ASIC2: variants seen among roughly 807,000 people sequenced by gnomAD.
ASIC2 encodes the protein acid-sensing ion channel 2.
Under a neutral mutation model 57.3 loss-of-function variants are expected in ASIC2, and 25 were observed. That is an observed-to-expected ratio of 0.44 (90% confidence interval 0.32 to 0.61). The LOEUF is 0.61. Ranked by LOEUF, ASIC2 falls within the 20% of genes least tolerant of loss-of-function variation. The pLI, the probability that ASIC2 is intolerant of heterozygous loss-of-function variation, is 0.06. For missense variants in ASIC2, 641 were observed against 738.1 expected (o/e 0.87, Z 1.52); for synonymous variants, 319 against 307.5 (o/e 1.04, Z -0.39).
At chr17:33,941,437 C>T (rs1219590921) in intron 1 of ASIC2, among the ~76,000 whole-genome samples, 1 of 152,180 alleles carries the variant, frequency 6.6e-6, no homozygotes, top group African/African-American at 2.4e-5. Context: ...TGAAAAGGAA[C>T]CCCACCTTAT....
At chr17:33,978,896 A>T (rs1905495985) in intron 1 of ASIC2, among the ~76,000 whole-genome samples, 2 of 152,114 alleles carry the variant, frequency 1.3e-5, no homozygotes, top group South Asian at 4.1e-4. Flanking sequence ...AACAGAATAA[A>T]CACACTTGGG....
At chr17:33,328,447 T>C (rs1053999505) in intron 1 of ASIC2, among the ~76,000 whole-genome samples, 1 of 152,118 alleles carries the variant, frequency 6.6e-6, no homozygotes, top group African/African-American at 2.4e-5. Flanking sequence ...CCTCCTTCTC[T>C]CTCTAAATTC....
chr17:33,938,506 G>A (rs1256113564), intron 1 of ASIC2, among the ~76,000 whole-genome samples: 1 of 152,178 alleles, frequency 6.6e-6, no homozygotes, highest in Non-Finnish European at 1.5e-5. Context: ...GATTTATAAA[G>A]CACTTGTCCT....
At chr17:33,678,433 A>C in intron 1 of ASIC2, among the ~76,000 whole-genome samples, 1 of 135,892 alleles carries the variant, frequency 7.4e-6, no homozygotes, top group Admixed American at 7.0e-5. Flanking sequence ...GCCTGGTTCA[A>C]TCCACACACA....
chr17:33,283,820 A>G (rs533949953), intron 1 of ASIC2, among the ~76,000 whole-genome samples: 3 of 152,290 alleles, frequency 2.0e-5, no homozygotes, highest in African/African-American at 7.2e-5. Context: ...ATCCAGGTAT[A>G]ATAAATTAAG....
chr17:33,923,139 C>T (rs1915744417), intron 1 of ASIC2, among the ~76,000 whole-genome samples: 2 of 152,166 alleles, frequency 1.3e-5, no homozygotes, highest in African/African-American at 4.8e-5. Flanking sequence ...CTTTGAGTGG[C>T]TTTCTGCCAA....
Position 33,904,333 on chromosome 17 carries a change from A to G in ASIC2, c.555+251645T>C, listed in dbSNP as rs1915300869. Among the ~76,000 whole-genome samples, 3 of 152,120 alleles carry G rather than the reference A, an allele frequency of 2.0e-5. 1 individual carries two copies. The South Asian group carries it at 6.2e-4, about 32-fold the overall frequency. On this transcript the variant is annotated intron_variant, in intron 1 of 9. Coordinates refer to the ASIC2 transcript ENST00000359872. ...CAGACCCATGGAATCAGGAGCTACA[A>G]TGTAACAAGATCCCTACATGGTTTG...
At chr17:33,996,135 C>T (rs1418024464) in intron 1 of ASIC2, among the ~76,000 whole-genome samples, 1 of 151,836 alleles carries the variant, frequency 6.6e-6, no homozygotes, top group Non-Finnish European at 1.5e-5. Flanking sequence ...ACCTTTAGGC[C>T]ATTTGTATGT....
At chr17:33,131,257 G>C (rs539407635) in intron 1 of ASIC2, among the ~76,000 whole-genome samples, 2 of 152,180 alleles carry the variant, frequency 1.3e-5, no homozygotes, top group East Asian at 3.9e-4. Context: ...GCTTAAGCAG[G>C]AGGAAAAAAA....
intron 1 of ASIC2, among the ~76,000 whole-genome samples, chr17:33,544,834 A>C (rs569571907): frequency 4.8e-4 from 73 of 152,290 alleles, no homozygotes; most frequent in Non-Finnish European, 8.4e-4. Flanking sequence ...TCACCTTTAG[A>C]ATCTTCTGAT....
chr17:33,492,879 G>A (rs1033249440), intron 1 of ASIC2, among the ~76,000 whole-genome samples: 1 of 152,208 alleles, frequency 6.6e-6, no homozygotes, highest in African/African-American at 2.4e-5. Context: ...TTTCCTCTCT[G>A]TACATAGCCT....
In ASIC2 at chr17:34,100,142, T is replaced by C. The variant is rs145096995; in HGVS notation, c.555+55836A>G. Among the ~76,000 whole-genome samples the C allele has an allele frequency of 6.5e-3, 981 of 151,888 alleles. 11 individuals carry two copies. The highest frequency in any genetic ancestry group is 0.022 in the African/African-American group (915 of 41,414). ...ACAGTATCAGGAAAGGGAGAAGCCA[T>C]GTGTAACATTACCTTAATTTAACAT... On this transcript the variant is annotated intron_variant, in intron 1 of 9. Transcript: ENST00000359872.
chr17:33,049,786 A>G (rs1359453161), intron 3 of ASIC2, among the ~76,000 whole-genome samples: 1 of 152,214 alleles, frequency 6.6e-6, no homozygotes, highest in Non-Finnish European at 1.5e-5. Flanking sequence ...TGAAGCATCT[A>G]CCGCAGCATT....
chr17:33,336,547 TAC>T (rs1907520355), intron 1 of ASIC2, among the ~76,000 whole-genome samples: 1 of 152,176 alleles, frequency 6.6e-6, no homozygotes. Flanking sequence ...CAAGGTAATT[TAC>T]AGAGATTCCC....
chr17:33,031,899 C>T (rs1407128138), intron 3 of ASIC2, among the ~76,000 whole-genome samples: 1 of 152,212 alleles, frequency 6.6e-6, no homozygotes, highest in Non-Finnish European at 1.5e-5. Flanking sequence ...TGATAACAGA[C>T]ATGGCAGCTT....
intron 1 of ASIC2, among the ~76,000 whole-genome samples, chr17:33,376,614 G>T (rs1424932193): frequency 6.6e-6 from 1 of 152,106 alleles, no homozygotes; most frequent in East Asian, 1.9e-4. Flanking sequence ...TGAATTAAAA[G>T]CAAGGAAATT....
At chr17:33,597,158 C>T (rs1264279280) in intron 1 of ASIC2, among the ~76,000 whole-genome samples, 1 of 152,242 alleles carries the variant, frequency 6.6e-6, no homozygotes, top group Non-Finnish European at 1.5e-5. Context: ...ACCCAGCGGA[C>T]ACCTGTTGAC....
intron 1 of ASIC2, among the ~76,000 whole-genome samples, chr17:33,697,934 T>C (rs979309035): frequency 6.6e-6 from 1 of 152,238 alleles, no homozygotes; most frequent in Non-Finnish European, 1.5e-5. Flanking sequence ...ATTATTTTGG[T>C]TGTACTGCAC....
intron 1 of ASIC2, among the ~76,000 whole-genome samples, chr17:33,459,462 C>T (rs748797715): frequency 1.3e-5 from 2 of 152,146 alleles, no homozygotes; most frequent in Non-Finnish European, 2.9e-5. Flanking sequence ...AAGCTAAATA[C>T]GTTTCCTTTC....
Sources: gnomAD v4.1 joint callset for allele counts (sites outside exome capture counted in the v4.1 genomes callset) on GRCh38, gnomAD v4.1.1 for gene constraint, MANE v1.5 for transcripts, NCBI Gene and HGNC (gene_info 2026-07-23, HGNC 2026-07-21) for gene names.